CCT6B: variants seen among roughly 807,000 people sequenced by gnomAD.
CCT6B encodes the protein probable T-complex protein 1 subunit zeta-2.
A neutral mutation model predicts 61.5 loss-of-function variants in CCT6B; 49 were observed. That is an observed-to-expected ratio of 0.80 (90% CI 0.63 to 1.01). The LOEUF (loss-of-function observed/expected upper bound fraction) is 1.01, where lower values mean the gene tolerates loss of function less well. Among genes scored for constraint, CCT6B ranks in the 50% least tolerant of loss-of-function variants. CCT6B has a pLI of 0.00. For synonymous variants in CCT6B, 228 were observed against 214.5 expected (o/e 1.06, Z -0.55); for missense variants, 666 against 634.7 (o/e 1.05, Z -0.53).
intron 10 of CCT6B, among the ~76,000 whole-genome samples, chr17:34,935,348 T>G (rs1041485337): frequency 2.6e-5 from 4 of 152,200 alleles, no homozygotes; most frequent in Non-Finnish European, 4.4e-5. Context: ...TAGACAACAT[T>G]GTGAATGCAC....
chr17:34,960,696 G>A (rs966399323), intron 1 of CCT6B, among the ~76,000 whole-genome samples: 2 of 152,134 alleles, frequency 1.3e-5, no homozygotes, highest in Non-Finnish European at 2.9e-5. Flanking sequence ...ATGAGGATGT[G>A]TCTCTCCTCT....
chr17:34,961,377 G>T lies in CCT6B; in HGVS notation c.17C>A (p.Ala6Asp). ...CGCCACCTCAGCCTTGGAGTTGACGGCCTTTATCGCAGCCATAGCCTAACC... is the reference window on the plus strand; with the variant it reads ...CGCCACCTCAGCCTTGGAGTTGACGTCCTTTATCGCAGCCATAGCCTAACC... Reference protein sequence around the residue: MAAIKAVNSKAEVARA... With the variant: MAAIKDVNSKAEVARA... The change falls in exon 1 of 14, where the codon GCC becomes GAC. Residue 6 changes from alanine (A) to aspartate (D), a missense_variant. Coordinates refer to ENST00000314144, the MANE Select transcript of CCT6B (RefSeq NM_006584.4). 1.2e-6 allele frequency: 2 copies of T among 1,609,576 alleles called. No homozygotes were observed. The highest frequency in any genetic ancestry group is 1.7e-6 in the Non-Finnish European group (2 of 1,179,246).
At chr17:34,936,060 C>T (rs144254129) in intron 10 of CCT6B, among the ~76,000 whole-genome samples, 468 of 152,226 alleles carry the variant, frequency 3.1e-3, no homozygotes, top group Non-Finnish European at 4.5e-3. Flanking sequence ...AAGCAATTCT[C>T]CTGCCTCAGC....
intron 5 of CCT6B, chr17:34,949,810 T>G (rs2090271347): frequency 6.6e-6 from 1 of 152,122 alleles, no homozygotes; most frequent in Admixed American, 6.5e-5. Context: ...TGAAAGATAT[T>G]TATACATTTC....
rs748354437 is a variant in CCT6B, at chr17:34,961,409, A to G, written c.-16T>C. On this transcript the variant is annotated 5_prime_UTR_variant, in exon 1 of 14. Coordinates refer to ENST00000314144, the MANE Select transcript of CCT6B (RefSeq NM_006584.4). ...TCGCAGCCATAGCCTAACCGTTCAG[A>G]GGGAGAAAAAAAAAAAGCCTTAGTC... 1.1e-5 allele frequency: 17 copies of G among 1,575,418 alleles called. 1 individual carries two copies. The South Asian group carries it at 2.0e-4, about 19-fold the overall frequency.
At chr17:34,960,248 G>C (rs1387039083) in intron 1 of CCT6B, among the ~76,000 whole-genome samples, 3 of 152,304 alleles carry the variant, frequency 2.0e-5, no homozygotes, top group Non-Finnish European at 2.9e-5. Context: ...TCATTTTCAA[G>C]TTAAAATCCA....
At chr17:34,954,736 G>T in intron 3 of CCT6B, 137 bp from the exon 4 acceptor site, 1 of 629,540 alleles carries the variant, frequency 1.6e-6, no homozygotes, top group Non-Finnish European at 2.6e-6. Flanking sequence ...ATTTATAAAA[G>T]TCATTTTAGT....
chr17:34,940,433 C>T lies in CCT6B; in HGVS notation c.968+106G>A. 4.8e-6 allele frequency: 3 copies of T among 628,766 alleles called. No individual in the cohort carries two copies. In the South Asian group the frequency reaches 6.9e-5, roughly 14 times the overall value. The allele number at this position is 628,766 out of a possible 1,614,324, so 38.9% of individuals were successfully genotyped here. A position where few individuals can be genotyped will look rare whatever the true frequency, so the allele number is the denominator to read the frequency against. On this transcript the variant is annotated intron_variant, in intron 8 of 13. Coordinates refer to ENST00000314144, the MANE Select transcript of CCT6B (RefSeq NM_006584.4). ...ACAAAATTTGGATTTTTTTATGCCA[C>T]TGTTTTGTTCAACAACATTTACACA...
intron 3 of CCT6B, among the ~76,000 whole-genome samples, chr17:34,956,559 T>C (rs2090349594): frequency 6.6e-6 from 1 of 152,148 alleles, no homozygotes; most frequent in Non-Finnish European, 1.5e-5. Context: ...CCTAATTCAG[T>C]TTGGGTTTCC....
rs2090330289 is a variant in CCT6B at position 34,954,720 on chromosome 17, T to C, written c.337-121A>G. ...ACATTAATGCCATGAAATATAAGTG[T>C]ACATAATTTATAAAAGTCATTTTAG... On this transcript the variant is annotated intron_variant, in intron 3 of 13. Transcript: ENST00000314144. The C allele has an allele frequency of 9.9e-6, 7 of 707,582 alleles. No individual in the cohort carries two copies. The South Asian group carries it at 1.5e-4, about 15-fold the overall frequency. The allele number at this position is 707,582 out of a possible 1,614,324, so 43.8% of individuals were successfully genotyped here.
chr17:34,935,048 C>T (rs2090078578), intron 10 of CCT6B, among the ~76,000 whole-genome samples: 1 of 152,142 alleles, frequency 6.6e-6, no homozygotes, highest in Non-Finnish European at 1.5e-5. Flanking sequence ...GTGGTATATA[C>T]ATACAATAGA....
At chr17:34,958,752 CA>C in intron 2 of CCT6B, 58 bp from the exon 3 acceptor site, 3 of 1,392,552 alleles carry the variant, frequency 2.2e-6, no homozygotes, top group South Asian at 1.5e-5. Context: ...AGTAGGTCAC[CA>C]AAAGCAAGAT....
chr17:34,951,555 T>C (rs564615140), intron 5 of CCT6B, among the ~76,000 whole-genome samples: 1 of 152,310 alleles, frequency 6.6e-6, no homozygotes, highest in South Asian at 2.1e-4. Context: ...CTCCCTGTGC[T>C]CCAGGCACAC....
chr17:34,961,320 C>A lies in CCT6B; in HGVS notation c.74G>T (p.Cys25Phe). ...CACATCCTGCAGCCCTCGGGCGGCGCATATATTGACAGCCAAAGCTGCCCG... is the reference window on the plus strand; with the variant it reads ...CACATCCTGCAGCCCTCGGGCGGCGAATATATTGACAGCCAAAGCTGCCCG... ...RARAALAVNI[C>F]AARGLQDVLR... is the part of the protein sequence containing the mutation. Residue 25 changes from cysteine to phenylalanine, a missense_variant, in exon 1 of 14, where the codon TGC becomes TTC. Transcript: ENST00000314144. The A allele has an allele frequency of 6.2e-7, 1 of 1,613,012 alleles. No individual in the cohort carries two copies. The highest frequency in any genetic ancestry group is 8.5e-7 in the Non-Finnish European group (1 of 1,179,934).
intron 10 of CCT6B, among the ~76,000 whole-genome samples, chr17:34,937,155 C>A (rs932913461): frequency 9.9e-5 from 15 of 151,124 alleles, no homozygotes; most frequent in Non-Finnish European, 1.9e-4. Context: ...AAGATCCTTT[C>A]TAAAAAAAAA....
At position 34,942,831 on chromosome 17, in the gene CCT6B, G is replaced by A; in HGVS notation, c.690C>T (p.Ile230=). 2 of 1,610,698 alleles carry A rather than the reference G, an allele frequency of 1.2e-6. No individual in the cohort carries two copies. The highest frequency in any genetic ancestry group is 8.5e-7 in the Non-Finnish European group (1 of 1,177,954). The part of the protein sequence containing the change: ...DMKKRVEDAF[I]LICNVSLEYE... The stretch of plus-strand genomic sequence containing the variant: ...ATTCCAGTGAAACGTTGCAAATAAG[G>A]ATAAATGCATCTTCTACTCGCTTCT... Residue 230 remains isoleucine, a synonymous_variant, in exon 6 of 14, where the codon ATC becomes ATT. Transcript: ENST00000314144.
intron 10 of CCT6B, among the ~76,000 whole-genome samples, chr17:34,933,137 A>C (rs1318068098): frequency 1.3e-5 from 2 of 152,314 alleles, no homozygotes; most frequent in African/African-American, 4.8e-5. Context: ...ACTGATTACA[A>C]TATCTGACAT....
intron 12 of CCT6B, among the ~76,000 whole-genome samples, chr17:34,930,389 T>C (rs2090022186): frequency 6.6e-6 from 1 of 152,208 alleles, no homozygotes; most frequent in African/African-American, 2.4e-5. Context: ...TGACCTTCTG[T>C]CACCTCTCTC....
chr17:34,961,102 G>A (rs2090409343), intron 1 of CCT6B, among the ~76,000 whole-genome samples, 155 bp downstream of exon 1: 1 of 152,152 alleles, frequency 6.6e-6, no homozygotes, highest in Non-Finnish European at 1.5e-5. Flanking sequence ...TCCTCCACCT[G>A]CACCAGGCGA....
Sources: allele counts gnomAD v4.1 joint callset (sites outside exome capture counted in the v4.1 genomes callset), GRCh38; gene constraint gnomAD v4.1.1; transcripts MANE v1.5; gene names NCBI Gene and HGNC (gene_info 2026-07-23, HGNC 2026-07-21).